The following HTR3E variants were observed in gnomAD, a reference collection of about 807,000 sequenced individuals.
HTR3E encodes the protein 5-hydroxytryptamine receptor 3E.
A neutral mutation model predicts 38.0 loss-of-function variants in HTR3E; 38 were observed. The ratio of observed to expected loss-of-function variants is 1.00; its 90% CI spans 0.77 to 1.31. The LOEUF is 1.31. Among genes scored for constraint, HTR3E ranks in the 50% most tolerant of loss-of-function variants. HTR3E has a pLI of 0.00. For missense variants in HTR3E, 547 were observed against 585.2 expected (o/e 0.93, Z 0.67); for synonymous variants, 210 against 232.9 (o/e 0.90, Z 0.89).
intron 3 of HTR3E, among the ~76,000 whole-genome samples, chr3:184,102,172 A>G (rs1196439140): frequency 3.3e-5 from 5 of 152,052 alleles, no homozygotes; most frequent in Non-Finnish European, 7.4e-5. Flanking sequence ...AACCACAAAA[A>G]GGTATGAACG....
chr3:184,101,979 G>C (rs1241551512), intron 3 of HTR3E, among the ~76,000 whole-genome samples: 1 of 152,138 alleles, frequency 6.6e-6, no homozygotes, highest in Non-Finnish European at 1.5e-5. Flanking sequence ...AACAGAGTGA[G>C]ACTCTATCTC....
Position 184,097,216 on chromosome 3 carries a change from C to A in HTR3E, c.-314C>A. On this transcript the variant is annotated 5_prime_UTR_variant, in exon 1 of 9. Coordinates refer to ENST00000415389, the MANE Select transcript of HTR3E (RefSeq NM_001256613.2). Reference sequence around the variant, plus strand: ...CATTTATAAATGTCTGAGAATTTTCCAAAATTGAAGAGATGAGTCTTCAGA... The same window carrying A: ...CATTTATAAATGTCTGAGAATTTTCAAAAATTGAAGAGATGAGTCTTCAGA... 5.0e-6 allele frequency: 1 copy of A among 201,932 alleles called. No homozygotes were observed. The highest frequency in any genetic ancestry group is 1.7e-4 in the South Asian group (1 of 5,736). 12.5% of individuals were successfully genotyped at this position (201,932 alleles called of 1,614,324 possible).
intron 3 of HTR3E, among the ~76,000 whole-genome samples, chr3:184,102,614 AAAACTT>A (rs1712120339): frequency 6.6e-6 from 1 of 150,946 alleles, no homozygotes; most frequent in Admixed American, 6.6e-5. Flanking sequence ...CATGTACCCT[AAAACTT>A]AAAGTATATA....
At position 184,101,428 on chromosome 3, in the gene HTR3E, G is replaced by C. The variant is rs1380545072; in HGVS notation, c.235-57G>C. On this transcript the variant is annotated intron_variant, in intron 2 of 8. Transcript: ENST00000415389. Reference sequence around the variant, plus strand: ...TGGTAAACAAGCATGGGAAGTGGGGGAGATGGAACAGACTTCTTACTGGCA... The same window carrying C: ...TGGTAAACAAGCATGGGAAGTGGGGCAGATGGAACAGACTTCTTACTGGCA... 2.8e-6 allele frequency: 4 copies of C among 1,410,796 alleles called. No homozygotes were observed. In the South Asian group the frequency reaches 4.6e-5, roughly 16 times the overall value. The allele number at this position is 1,410,796 out of a possible 1,614,324, so 87.4% of individuals were successfully genotyped here. A position where few individuals can be genotyped will look rare whatever the true frequency, so the allele number is the denominator to read the frequency against.
intron 1 of HTR3E, among the ~76,000 whole-genome samples, chr3:184,098,957 C>T (rs928153033): frequency 6.6e-6 from 1 of 152,008 alleles, no homozygotes; most frequent in Non-Finnish European, 1.5e-5. Flanking sequence ...GCAGAAGAAT[C>T]GGTTGAACCT....
rs1431461623 is a variant in HTR3E, at chr3:184,105,914, C to T, written c.870C>T (p.Asn290=). Residue 290 remains asparagine (N), a synonymous_variant, in exon 7 of 9, where the codon AAC becomes AAT. Coordinates refer to ENST00000415389, the MANE Select transcript of HTR3E (RefSeq NM_001256613.2). ...AGATAACGCTCCTGCTGGGCTACAACGTCTTCCTGCTCATGATGAGTGACT... is the reference window on the plus strand; with the variant it reads ...AGATAACGCTCCTGCTGGGCTACAATGTCTTCCTGCTCATGATGAGTGACT... ...PFKITLLLGY[N]VFLLMMSDLL... The T allele has an allele frequency of 3.7e-6, 6 of 1,614,180 alleles. No individual in the cohort carries two copies. Among genetic ancestry groups the T allele is most frequent in the Middle Eastern group, 1.6e-4 (1 of 6,062 alleles).
rs56024836 is a variant in HTR3E, at chr3:184,106,075, G to GAAGA, written c.926-50_926-47dup. ...TGCCTGCCAGGGTGGGATTGGAAGA[G>GAAGA]AAGAAATTCTAGGTGGTGCCTCTGG... is the stretch of plus-strand genomic sequence containing the variant. On this transcript the variant is annotated intron_variant, in intron 7 of 8. Coordinates refer to ENST00000415389, the MANE Select transcript of HTR3E (RefSeq NM_001256613.2). The surrounding 1 kb of genome is among the most constrained non-coding windows in gnomAD (Gnocchi z 4.1). The GAAGA allele has an allele frequency of 0.34, 541,332 of 1,610,880 alleles. 94,064 individuals are homozygous for GAAGA. Among genetic ancestry groups the GAAGA allele is most frequent in the South Asian group, 0.44 (39,686 of 90,976 alleles).
In HTR3E at chr3:184,105,816, A is replaced by C; in HGVS notation, c.772A>C (p.Ser258Arg). The change falls in exon 7 of 9, where the codon AGT becomes CGT. Residue 258 changes from serine (S) to arginine (R), a missense_variant. By Grantham distance (110) the Ser-to-Arg change is moderately radical. Transcript: ENST00000415389. Reference sequence around the variant, plus strand: ...CTATGTCATAAACCTTCTCGTGCCCAGTGGCTTTCTGGTTGCCATCGATGC... The same window carrying C: ...CTATGTCATAAACCTTCTCGTGCCCCGTGGCTTTCTGGTTGCCATCGATGC... The part of the protein sequence containing the change: ...SLYVINLLVP[S>R]GFLVAIDALS... 1 of 1,614,136 alleles carries C rather than the reference A, an allele frequency of 6.2e-7. No homozygotes were observed. The highest frequency in any genetic ancestry group is 8.5e-7 in the Non-Finnish European group (1 of 1,180,048).
intron 5 of HTR3E, 135 bp downstream of exon 5, chr3:184,105,091 A>C: frequency 8.5e-7 from 1 of 1,177,210 alleles, no homozygotes; most frequent in Non-Finnish European, 1.2e-6. Flanking sequence ...AATATTTTCC[A>C]TAAAGGCAGA....
intron 3 of HTR3E, 42 bp downstream of exon 3, chr3:184,101,571 A>G: frequency 6.8e-7 from 1 of 1,466,110 alleles, no homozygotes. Flanking sequence ...TTACAGTCAA[A>G]AAGGATTTTA....
rs1337684856 is a variant in HTR3E at position 184,104,370 on chromosome 3, G to A, written c.389+79G>A. Reference sequence around the variant, plus strand: ...ATCACAGTTTACCATTGGGGCCACTGTAAGTGGTCTTTAGATGGCTAAGAA... The same window carrying A: ...ATCACAGTTTACCATTGGGGCCACTATAAGTGGTCTTTAGATGGCTAAGAA... On this transcript the variant is annotated intron_variant, in intron 4 of 8. Coordinates refer to ENST00000415389, the MANE Select transcript of HTR3E (RefSeq NM_001256613.2). 7 of 1,539,886 alleles carry A rather than the reference G, an allele frequency of 4.5e-6. No homozygotes were observed. In the African/African-American group the frequency reaches 9.7e-5, roughly 21 times the overall value.
chr3:184,098,922 A>C (rs984189132), intron 1 of HTR3E, among the ~76,000 whole-genome samples: 2 of 152,148 alleles, frequency 1.3e-5, no homozygotes, highest in Non-Finnish European at 2.9e-5. Context: ...TAGTGCCTGT[A>C]ATCCCAGTTA....
intron 3 of HTR3E, among the ~76,000 whole-genome samples, chr3:184,103,888 C>A (rs956169960): frequency 6.6e-6 from 1 of 151,876 alleles, no homozygotes; most frequent in Non-Finnish European, 1.5e-5. Flanking sequence ...AAAGATAATA[C>A]AATCATCTAA....
At chr3:184,103,390 A>G (rs914315922) in intron 3 of HTR3E, among the ~76,000 whole-genome samples, 9 of 151,754 alleles carry the variant, frequency 5.9e-5, no homozygotes, top group Non-Finnish European at 7.4e-5. Context: ...AGCACTTTGG[A>G]AGGCCGAGGC....
At chr3:184,105,167 C>T (rs557993786) in intron 5 of HTR3E, 100 bp from the exon 6 acceptor site, 80 of 1,366,444 alleles carry the variant, frequency 5.9e-5, no homozygotes, top group Admixed American at 1.3e-4. Flanking sequence ...GTGGGAGGCA[C>T]TCAAAAATAT....
intron 4 of HTR3E, 162 bp downstream of exon 4, chr3:184,104,453 C>T: frequency 8.5e-7 from 1 of 1,181,586 alleles, no homozygotes; most frequent in East Asian, 2.8e-5. Flanking sequence ...TGCCTGTAAT[C>T]CCAGCACTTT....
Position 184,101,446 on chromosome 3 carries a change from T to C in HTR3E, c.235-39T>C, listed in dbSNP as rs375469034. On this transcript the variant is annotated intron_variant, in intron 2 of 8. Coordinates refer to ENST00000415389, the MANE Select transcript of HTR3E (RefSeq NM_001256613.2). ...AGTGGGGGAGATGGAACAGACTTCT[T>C]ACTGGCAACATGATGGAAATAGGAA... 1.4e-4 allele frequency: 226 copies of C among 1,588,118 alleles called. No individual in the cohort carries two copies. The Middle Eastern group carries it at 3.5e-3, about 25-fold the overall frequency.
At chr3:184,101,331 C>T (rs530238736) in intron 2 of HTR3E, among the ~76,000 whole-genome samples, 154 bp from the exon 3 acceptor site, 17 of 152,272 alleles carry the variant, frequency 1.1e-4, no homozygotes, top group Non-Finnish European at 2.2e-4. Flanking sequence ...CTCTCCTGTC[C>T]GTAGCCTAAC....
intron 6 of HTR3E, 118 bp downstream of exon 6, chr3:184,105,545 C>A: frequency 8.4e-7 from 1 of 1,196,802 alleles, no homozygotes; most frequent in Non-Finnish European, 1.2e-6. Flanking sequence ...TCTCTCCTGG[C>A]TTCCCAGCCT....
Sources: gnomAD v4.1 joint callset for allele counts (sites outside exome capture counted in the v4.1 genomes callset) on GRCh38, gnomAD v4.1.1 for gene constraint, Gnocchi (gnomAD v3.1) non-coding constraint, MANE v1.5 for transcripts, NCBI Gene and HGNC (gene_info 2026-07-23, HGNC 2026-07-21) for gene names.